SAMD12: variants seen among roughly 807,000 people sequenced by gnomAD.
SAMD12 encodes sterile alpha motif domain-containing protein 12.
Under a neutral mutation model 15.0 loss-of-function variants are expected in SAMD12, and 9 were observed. The observed-to-expected ratio is 0.60, with a 90% CI of 0.36 to 1.05. SAMD12 has a LOEUF of 1.05. Ranked by LOEUF, SAMD12 falls within the 50% of genes least tolerant of loss-of-function variation. The pLI, the probability that SAMD12 is intolerant of heterozygous loss-of-function variation, is 0.01. For missense variants in SAMD12, 230 were observed against 234.2 expected (o/e 0.98, Z 0.12); for synonymous variants, 86 against 90.1 (o/e 0.96, Z 0.25).
chr8:118,521,858 C>A (rs970923132), intron 2 of SAMD12, among the ~76,000 whole-genome samples: 12 of 152,148 alleles, frequency 7.9e-5, no homozygotes, highest in Admixed American at 5.9e-4. Context: ...AAAAGAGAAG[C>A]TTTCCACCTT....
chr8:118,270,817 A>C (rs1813337995), intron 4 of SAMD12, among the ~76,000 whole-genome samples: 1 of 152,218 alleles, frequency 6.6e-6, no homozygotes, highest in Non-Finnish European at 1.5e-5. Flanking sequence ...AGACAACAAC[A>C]CATATATCCT....
At chr8:118,408,334 C>T (rs527294688) in intron 3 of SAMD12, among the ~76,000 whole-genome samples, 1 of 152,302 alleles carries the variant, frequency 6.6e-6, no homozygotes, top group African/African-American at 2.4e-5. Context: ...TCTATCCTCA[C>T]CTAGACGTCA....
chr8:118,570,721 C>A (rs1185835090), intron 2 of SAMD12, among the ~76,000 whole-genome samples: 1 of 148,724 alleles, frequency 6.7e-6, no homozygotes, highest in African/African-American at 2.6e-5. Context: ...ATATTATACC[C>A]AGTTATGAGA....
chr8:118,311,050 C>A (rs1389812977), intron 4 of SAMD12, among the ~76,000 whole-genome samples: 1 of 152,194 alleles, frequency 6.6e-6, no homozygotes. Context: ...CTCACAACAG[C>A]TCTATGAAGT....
intron 2 of SAMD12, among the ~76,000 whole-genome samples, chr8:118,516,886 G>A (rs1404942538): frequency 2.0e-5 from 3 of 152,048 alleles, no homozygotes; most frequent in African/African-American, 4.8e-5. Flanking sequence ...CAATCCACCC[G>A]CCTCGGCCTC....
the SAMD12 span, among the ~76,000 whole-genome samples, chr8:118,177,704 CAG>C: frequency 1.3e-5 from 2 of 151,726 alleles, no homozygotes; most frequent in Non-Finnish European, 2.9e-5. Flanking sequence ...GCCTGGCTGA[CAG>C]AGTGAGATCC....
intron 2 of SAMD12, among the ~76,000 whole-genome samples, chr8:118,548,867 G>A (rs1053980280): frequency 1.2e-4 from 18 of 152,228 alleles, no homozygotes; most frequent in Admixed American, 4.6e-4. Context: ...GGTGCACCAC[G>A]AGATTATATC....
intron 1 of SAMD12, among the ~76,000 whole-genome samples, chr8:118,607,392 C>T (rs1456204125): frequency 1.3e-5 from 2 of 151,866 alleles, no homozygotes; most frequent in African/African-American, 2.4e-5. Flanking sequence ...TGTGCCACGA[C>T]GCCCAGCTAA....
chr8:118,376,209 A>C (rs1819380561), downstream of SAMD12, among the ~76,000 whole-genome samples: 1 of 152,228 alleles, frequency 6.6e-6, no homozygotes, highest in Admixed American at 6.5e-5. Context: ...TGGACTTTGA[A>C]AGTGATAACT....
In SAMD12 at chr8:118,577,507, A is replaced by G. The variant is rs559433730; in HGVS notation, c.192+3208T>C. Among the ~76,000 whole-genome samples the G allele has an allele frequency of 2.9e-4, 44 of 152,282 alleles. No individual in the cohort carries two copies. The South Asian group carries it at 8.3e-3, about 29-fold the overall frequency. On this transcript the variant is annotated intron_variant, in intron 2 of 3. Transcript: ENST00000314727. ...CTCCTCTGGAACAGGTGGTGTGCTG[A>G]GGGATTGGTTTCAAAGACCAACATG... is the stretch of plus-strand genomic sequence containing the variant.
At chr8:118,276,482 T>C (rs76125844) in intron 4 of SAMD12, among the ~76,000 whole-genome samples, 2,520 of 152,296 alleles carry the variant, frequency 0.017, 81 homozygotes, top group African/African-American at 0.057. Flanking sequence ...GGTTCAACCA[T>C]TTTGTGTGTC....
At chr8:118,261,478 T>C (rs1344838060) in intron 4 of SAMD12, among the ~76,000 whole-genome samples, 1 of 152,036 alleles carries the variant, frequency 6.6e-6, no homozygotes, top group Admixed American at 6.6e-5. Flanking sequence ...CAGCAAAAGT[T>C]TCCACCCAAA....
intron 4 of SAMD12, chr8:118,239,830 G>T (rs1221602902): frequency 6.6e-6 from 1 of 152,090 alleles, no homozygotes; most frequent in Non-Finnish European, 1.5e-5. Context: ...CTGTGTGCAG[G>T]TTTCTTCATC....
intron 2 of SAMD12, among the ~76,000 whole-genome samples, chr8:118,440,825 C>G (rs1440392195): frequency 6.6e-6 from 1 of 152,040 alleles, no homozygotes; most frequent in Non-Finnish European, 1.5e-5. Flanking sequence ...TGACCATGCT[C>G]TGATGGTCTC....
At chr8:118,362,338 T>C (rs1054996300) in intron 4 of SAMD12, among the ~76,000 whole-genome samples, 1 of 152,172 alleles carries the variant, frequency 6.6e-6, no homozygotes, top group Non-Finnish European at 1.5e-5. Flanking sequence ...AAAAAATATA[T>C]AAAACAAAGG....
intron 3 of SAMD12, among the ~76,000 whole-genome samples, chr8:118,401,584 C>G (rs1820873620): frequency 6.7e-6 from 1 of 150,130 alleles, no homozygotes; most frequent in Non-Finnish European, 1.5e-5. Flanking sequence ...CTATGTTTCC[C>G]TGGCTGGTCT....
intron 4 of SAMD12, among the ~76,000 whole-genome samples, chr8:118,309,289 A>G (rs905542526): frequency 6.6e-6 from 1 of 152,114 alleles, no homozygotes; most frequent in Admixed American, 6.6e-5. Flanking sequence ...AATGGTCTCT[A>G]ATTCCATCCA....
intron 4 of SAMD12, among the ~76,000 whole-genome samples, chr8:118,332,343 C>A (rs1045948980): frequency 2.0e-5 from 3 of 152,194 alleles, no homozygotes; most frequent in African/African-American, 7.2e-5. Context: ...TTCTCCTTCA[C>A]TCATATGAAT....
chr8:118,281,839 G>T (rs1035240436), intron 4 of SAMD12, among the ~76,000 whole-genome samples: 45 of 152,062 alleles, frequency 3.0e-4, no homozygotes, highest in African/African-American at 1.1e-3. Flanking sequence ...TCCAAAATTT[G>T]CTCATTTATT....
Sources: allele counts gnomAD v4.1 joint callset (sites outside exome capture counted in the v4.1 genomes callset), GRCh38; gene constraint gnomAD v4.1.1; transcripts MANE v1.5; gene names NCBI Gene and HGNC (gene_info 2026-07-23, HGNC 2026-07-21).